Variants in GJC3 observed in about 807,000 individuals in gnomAD.
GJC3 encodes the protein gap junction protein gamma 3, also known as gap junction gamma-3 protein.
GJC3 carries 17 observed loss-of-function variants against 19.8 expected under a neutral mutation model. That is an observed-to-expected ratio of 0.86 (90% CI 0.59 to 1.29). GJC3 has a LOEUF of 1.29. Ranked by LOEUF, GJC3 falls within the 50% of genes most tolerant of loss-of-function variation. The pLI, the probability that GJC3 is intolerant of heterozygous loss-of-function variation, is 0.00. For synonymous variants in GJC3, 140 were observed against 136.5 expected, an observed-to-expected ratio of 1.03 and a Z score of -0.18; for missense variants, 317 against 332.5, an observed-to-expected ratio of 0.95 and a Z score of 0.36.
upstream of GJC3, among the ~76,000 whole-genome samples, chr7:99,930,578 C>T (rs968874465): frequency 2.6e-5 from 4 of 152,218 alleles, no homozygotes; most frequent in East Asian, 7.7e-4. Context: ...CAATGCCCAG[C>T]AGCTGTTTCA....
chr7:99,927,448 G>A (rs2527902), intron 1 of GJC3, among the ~76,000 whole-genome samples: 58,450 of 151,942 alleles, frequency 0.38, 11,922 homozygotes, highest in Non-Finnish European at 0.46. Context: ...AGTGGATGAG[G>A]GATTCTTATG....
intron 1 of GJC3, among the ~76,000 whole-genome samples, 180 bp from the exon 2 acceptor site, chr7:99,923,783 CT>C (rs1176073552): frequency 6.6e-6 from 1 of 152,312 alleles, no homozygotes; most frequent in Non-Finnish European, 1.5e-5. Flanking sequence ...CCTCAGAAGG[CT>C]GGTCAAAACT....
At chr7:99,925,204 C>T (rs1316428000) in intron 1 of GJC3, among the ~76,000 whole-genome samples, 1 of 151,920 alleles carries the variant, frequency 6.6e-6, no homozygotes, top group Non-Finnish European at 1.5e-5. Flanking sequence ...CCCCATTTAC[C>T]CTGATGTGAC....
intron 1 of GJC3, among the ~76,000 whole-genome samples, chr7:99,926,775 G>C (rs1020082173): frequency 6.6e-6 from 1 of 152,140 alleles, no homozygotes; most frequent in East Asian, 1.9e-4. Context: ...TATACTAAAG[G>C]CTATTTAATT....
upstream of GJC3, among the ~76,000 whole-genome samples, chr7:99,929,931 C>G (rs903176816): frequency 3.9e-5 from 6 of 152,156 alleles, no homozygotes; most frequent in African/African-American, 1.4e-4. Context: ...CTCTCTCTTT[C>G]CCTCCTTCCC....
chr7:99,923,846 A>G (rs1314998761), intron 1 of GJC3, among the ~76,000 whole-genome samples: 1 of 152,176 alleles, frequency 6.6e-6, no homozygotes, highest in Non-Finnish European at 1.5e-5. Flanking sequence ...AAATATCAAC[A>G]TCCTCCACCA....
At chr7:99,930,134 A>G (rs1418714660), upstream of GJC3, among the ~76,000 whole-genome samples, 3 of 152,158 alleles carry the variant, frequency 2.0e-5, no homozygotes, top group East Asian at 1.9e-4. Flanking sequence ...CTCTTCCTCC[A>G]TGCCCTTGGA....
At chr7:99,923,951 CT>C (rs1819736808) in intron 1 of GJC3, among the ~76,000 whole-genome samples, 2 of 152,352 alleles carry the variant, frequency 1.3e-5, no homozygotes, top group South Asian at 4.1e-4. Context: ...AAAATCTCAA[CT>C]CACGTTGGGA....
intron 1 of GJC3, among the ~76,000 whole-genome samples, chr7:99,927,703 T>TA (rs911666595): frequency 2.6e-5 from 4 of 151,926 alleles, no homozygotes; most frequent in African/African-American, 9.7e-5. Context: ...AGAAGACTGA[T>TA]ATTCAGATTG....
At chr7:99,927,749 C>G (rs1819832691) in intron 1 of GJC3, among the ~76,000 whole-genome samples, 1 of 152,152 alleles carries the variant, frequency 6.6e-6, no homozygotes, top group African/African-American at 2.4e-5. Flanking sequence ...ATGTCAGCCT[C>G]CCTTGCTGTT....
rs755989178 is a variant in GJC3, at chr7:99,929,489, A to G, written c.132T>C (p.Tyr44=). Residue 44 remains tyrosine, a synonymous_variant, in exon 1 of 2, where the codon TAT becomes TAC. Transcript: ENST00000312891. The part of the protein sequence containing the change: ...VLLAASGPGV[Y]GDEQSEFVCH... The stretch of plus-strand genomic sequence containing the variant: ...ACACGAATTCACTCTGCTCATCACC[A>G]TAGACTCCAGGCCCACTGGCAGCCA... The G allele has an allele frequency of 2.3e-5, 37 of 1,613,998 alleles. No homozygotes were observed. In the Admixed American group the frequency reaches 3.8e-4, roughly 17 times the overall value.
upstream of GJC3, chr7:99,929,749 G>T: frequency 1.2e-6 from 1 of 816,160 alleles, no homozygotes; most frequent in Non-Finnish European, 2.0e-6. Context: ...CCAAGTATCT[G>T]ACTGATTAAA....
chr7:99,923,924 G>C (rs139642793), intron 1 of GJC3, among the ~76,000 whole-genome samples: 19 of 152,308 alleles, frequency 1.2e-4, no homozygotes, highest in African/African-American at 4.6e-4. Context: ...ATATTAATTG[G>C]CAGGTGAAGA....
intron 1 of GJC3, among the ~76,000 whole-genome samples, chr7:99,923,852 C>T (rs1819734077): frequency 6.6e-6 from 1 of 152,190 alleles, no homozygotes; most frequent in Non-Finnish European, 1.5e-5. Context: ...CAACATCCTC[C>T]ACCAAATTTA....
intron 1 of GJC3, among the ~76,000 whole-genome samples, chr7:99,925,855 G>A (rs1819788688): frequency 6.6e-6 from 1 of 152,192 alleles, no homozygotes; most frequent in African/African-American, 2.4e-5. Flanking sequence ...CCACTAGGAT[G>A]GCTAGAATTT....
chr7:99,929,631 A>G, upstream of GJC3: 1 of 1,595,594 alleles, frequency 6.3e-7, no homozygotes, highest in Non-Finnish European at 8.5e-7. Context: ...CCTGTTTTGG[A>G]GCAGAGGACA....
upstream of GJC3, chr7:99,929,833 T>C (rs1819871645): frequency 1.6e-6 from 1 of 612,776 alleles, no homozygotes; most frequent in Non-Finnish European, 2.9e-6. Context: ...TGAGTGTGTG[T>C]GGTGTGGCTC....
At chr7:99,926,384 A>G (rs1163755429) in intron 1 of GJC3, among the ~76,000 whole-genome samples, 1 of 152,206 alleles carries the variant, frequency 6.6e-6, no homozygotes, top group Non-Finnish European at 1.5e-5. Context: ...CAGTGGTCAT[A>G]AGAGCCAAAA....
upstream of GJC3, among the ~76,000 whole-genome samples, chr7:99,930,287 A>AGG (rs1819877518): frequency 6.6e-6 from 1 of 152,172 alleles, no homozygotes; most frequent in African/African-American, 2.4e-5. Context: ...CTTAGGCCTT[A>AGG]CAAGCTGAGG....
Sources: gnomAD v4.1 joint callset for allele counts (sites outside exome capture counted in the v4.1 genomes callset) on GRCh38, gnomAD v4.1.1 for gene constraint, MANE v1.5 for transcripts, NCBI Gene and HGNC (gene_info 2026-07-23, HGNC 2026-07-21) for gene names.